Variants in UBE3D observed in about 807,000 individuals in gnomAD.
The protein encoded by UBE3D is E3 ubiquitin-protein ligase E3D.
UBE3D carries 48 observed loss-of-function variants against 49.6 expected under a neutral mutation model. The ratio of observed to expected loss-of-function variants is 0.97; its 90% CI spans 0.77 to 1.23. The LOEUF is 1.23. Among genes scored for constraint, UBE3D ranks in the 50% most tolerant of loss-of-function variants. The pLI is 0.00. For synonymous variants in UBE3D, 189 were observed against 174.2 expected (o/e 1.08, Z -0.67); for missense variants, 452 against 468.4 (o/e 0.96, Z 0.32).
intron 8 of UBE3D, among the ~76,000 whole-genome samples, chr6:82,973,878 G>A (rs1186982855): frequency 6.6e-6 from 1 of 152,110 alleles, no homozygotes. Flanking sequence ...ATTCTCATAA[G>A]AGCCTGAACC....
rs370514874 is a variant in UBE3D at position 83,049,883 on chromosome 6, G to A, written c.365+4265C>T. 1.8e-5 allele frequency: 8 copies of A among 456,120 alleles called. No homozygotes were observed. The East Asian group carries it at 3.5e-4, about 20-fold the overall frequency. The allele number at this position is 456,120 out of a possible 1,614,324, so 28.3% of individuals were successfully genotyped here. On this transcript the variant is annotated intron_variant, in intron 3 of 9. Transcript: ENST00000369747. Reference sequence around the variant, plus strand: ...TTCCAAACACAAGGACTATTTGGCTGTTTCTGAGACTATTCACAACAAAAT... The same window carrying A: ...TTCCAAACACAAGGACTATTTGGCTATTTCTGAGACTATTCACAACAAAAT...
intron 8 of UBE3D, among the ~76,000 whole-genome samples, chr6:82,999,337 T>C (rs1269305646): frequency 6.6e-6 from 1 of 152,118 alleles, no homozygotes; most frequent in African/African-American, 2.4e-5. Flanking sequence ...TCATCAGTCA[T>C]ACCTTCTTTC....
At position 83,065,677 on chromosome 6, in the gene UBE3D, C is replaced by A; in HGVS notation, c.42G>T (p.Val14=). 1 of 1,613,754 alleles carries A rather than the reference C, an allele frequency of 6.2e-7. No homozygotes were observed. Among genetic ancestry groups the A allele is most frequent in the Non-Finnish European group, 8.5e-7 (1 of 1,179,846 alleles). ...SAAETRVFLE[V]RGQLQSALLI... ...GAAGCGCGCTCTGCAGCTGTCCCCG[C>A]ACCTCCAGAAACACGCGCGTCTCCG... The change falls in exon 1 of 10, where the codon GTG becomes GTT. Residue 14 remains valine, a synonymous_variant. Transcript: ENST00000369747.
intron 8 of UBE3D, among the ~76,000 whole-genome samples, chr6:82,963,079 A>G (rs1776665498): frequency 6.6e-6 from 1 of 152,160 alleles, no homozygotes; most frequent in Non-Finnish European, 1.5e-5. Context: ...TAATCACAGG[A>G]AGCATTCATA....
At chr6:82,916,996 G>C (rs1461104201) in intron 9 of UBE3D, among the ~76,000 whole-genome samples, 1 of 152,168 alleles carries the variant, frequency 6.6e-6, no homozygotes, top group Non-Finnish European at 1.5e-5. Flanking sequence ...TAGAGAGGGA[G>C]AATACCTGGG....
chr6:83,042,573 A>C (rs142633336), intron 4 of UBE3D, among the ~76,000 whole-genome samples: 66 of 152,348 alleles, frequency 4.3e-4, no homozygotes, highest in Admixed American at 5.2e-4. Flanking sequence ...AACTCTACAG[A>C]GCAAACCTCA....
At position 83,044,455 on chromosome 6, in the gene UBE3D, A is replaced by G; in HGVS notation, c.570T>C (p.Cys190=). 6.2e-7 allele frequency: 1 copy of G among 1,614,166 alleles called. No individual in the cohort carries two copies. Among genetic ancestry groups the G allele is most frequent in the Non-Finnish European group, 8.5e-7 (1 of 1,179,990 alleles). Residue 190 remains cysteine, a synonymous_variant, in exon 4 of 10, where the codon TGT becomes TGC. Coordinates refer to ENST00000369747, the MANE Select transcript of UBE3D (RefSeq NM_198920.3). ...ATTTACAATGGTTGTCAGAAGAAAC[A>G]CAGCACATCTCCACTGGGGATAGTT... ...RPELSPVEMC[C]VSSDNHCKLE... is the part of the protein sequence containing the mutation.
chr6:83,018,583 T>C (rs1780855413), intron 8 of UBE3D: 1 of 181,438 alleles, frequency 5.5e-6, no homozygotes, highest in South Asian at 1.3e-4. Context: ...CTGTTTTGTT[T>C]ATGGTCTGCC....
chr6:82,951,812 G>A (rs989717173), intron 9 of UBE3D, among the ~76,000 whole-genome samples: 2 of 152,074 alleles, frequency 1.3e-5, no homozygotes, highest in African/African-American at 4.8e-5. Flanking sequence ...CTGACCAAAA[G>A]GACGACCATC....
chr6:82,949,043 A>G (rs930489991), intron 9 of UBE3D, among the ~76,000 whole-genome samples: 3 of 152,120 alleles, frequency 2.0e-5, no homozygotes, highest in Non-Finnish European at 2.9e-5. Context: ...AGAAAGAAAT[A>G]AAGGGTATCT....
intron 5 of UBE3D, among the ~76,000 whole-genome samples, chr6:83,024,609 A>G (rs1427881053): frequency 6.6e-6 from 1 of 152,120 alleles, no homozygotes; most frequent in Non-Finnish European, 1.5e-5. Context: ...CACTGGACCC[A>G]CCGTGAGATG....
intron 9 of UBE3D, among the ~76,000 whole-genome samples, chr6:82,896,748 C>CTT (rs539610436): frequency 8.2e-4 from 120 of 146,008 alleles, no homozygotes; most frequent in African/African-American, 2.4e-3. Flanking sequence ...TTTGTCTTTT[C>CTT]TTTTTTTTTT....
At chr6:83,032,243 C>A (rs770032212) in intron 5 of UBE3D, 4 of 456,048 alleles carry the variant, frequency 8.8e-6, no homozygotes, top group Non-Finnish European at 1.8e-5. Flanking sequence ...GGGCCGTACC[C>A]GGCAAAACCA....
chr6:83,013,378 G>A (rs532775985), intron 8 of UBE3D, among the ~76,000 whole-genome samples: 55 of 152,212 alleles, frequency 3.6e-4, no homozygotes, highest in African/African-American at 1.3e-3. Flanking sequence ...CCCTTACGAG[G>A]GCCTGCCAAA....
At chr6:82,936,199 C>T (rs146743416) in intron 9 of UBE3D, among the ~76,000 whole-genome samples, 81 of 152,216 alleles carry the variant, frequency 5.3e-4, no homozygotes, top group Middle Eastern at 3.4e-3. Flanking sequence ...AGATTGTAGA[C>T]GTCAGTCTAA....
Position 83,019,021 on chromosome 6 carries a change from C to G in UBE3D, c.962G>C (p.Ser321Thr), listed in dbSNP as rs1238311235. The change falls in exon 8 of 10, where the codon AGT becomes ACT. Residue 321 changes from serine (S) to threonine (T), a missense_variant. Coordinates refer to ENST00000369747, the MANE Select transcript of UBE3D (RefSeq NM_198920.3). ...TFKADSSSAW[S>T]AVKVLYQPCI... The stretch of plus-strand genomic sequence containing the variant: ...TGGCTGGTAGAGGACCTTGACAGCA[C>G]TCCAGGCAGAACTAGAATCGGCTTT... The G allele has an allele frequency of 6.2e-7, 1 of 1,613,816 alleles. No individual in the cohort carries two copies. The highest frequency in any genetic ancestry group is 8.5e-7 in the Non-Finnish European group (1 of 1,179,890).
chr6:82,989,957 C>T (rs927614391), intron 8 of UBE3D, among the ~76,000 whole-genome samples: 1 of 152,278 alleles, frequency 6.6e-6, no homozygotes, highest in South Asian at 2.1e-4. Flanking sequence ...GAACACTTGC[C>T]AAGCAAATGC....
intron 9 of UBE3D, among the ~76,000 whole-genome samples, chr6:82,901,024 A>G (rs1771692224): frequency 6.6e-6 from 1 of 152,166 alleles, no homozygotes; most frequent in Admixed American, 6.5e-5. Flanking sequence ...AAACTTACAA[A>G]ACACAGAAAG....
At chr6:82,977,604 G>A (rs978940239) in intron 8 of UBE3D, among the ~76,000 whole-genome samples, 9 of 152,090 alleles carry the variant, frequency 5.9e-5, no homozygotes, top group African/African-American at 1.7e-4. Context: ...TTGGGAGGCC[G>A]AGGCAGGTGC....
Sources: gnomAD v4.1 joint callset for allele counts (sites outside exome capture counted in the v4.1 genomes callset) on GRCh38, gnomAD v4.1.1 for gene constraint, MANE v1.5 for transcripts, NCBI Gene and HGNC (gene_info 2026-07-23, HGNC 2026-07-21) for gene names.